The following DCDC1 variants were observed in gnomAD, a reference collection of about 807,000 sequenced individuals.
DCDC1 encodes the protein doublecortin domain containing 1.
DCDC1 carries 200 observed loss-of-function variants against 178.3 expected under a neutral mutation model. That is an observed-to-expected ratio of 1.12 (90% confidence interval 1.00 to 1.26). The LOEUF is 1.26. Ranked by LOEUF, DCDC1 falls within the 50% of genes most tolerant of loss-of-function variation. The pLI is 0.00. For synonymous variants in DCDC1, 690 were observed against 604.8 expected, an observed-to-expected ratio of 1.14 and a Z score of -2.07; for missense variants, 1,983 against 1,749.2, an observed-to-expected ratio of 1.13 and a Z score of -2.38.
rs1310887576 is a variant in DCDC1, at chr11:31,078,588, G to C, written c.2238-663C>G. 2.6e-5 allele frequency among the ~76,000 whole-genome samples: 4 copies of C among 152,194 alleles called. No individual in the cohort carries two copies. In the East Asian group the frequency reaches 7.7e-4, roughly 29 times the overall value. On this transcript the variant is annotated intron_variant, in intron 17 of 38. Transcript: ENST00000684477. The stretch of plus-strand genomic sequence containing the variant: ...AAACATCAAAGGTTGAGTATAAGAG[G>C]TGTCAGGTAATGCTCTATTCTATTC...
intron 25 of DCDC1, among the ~76,000 whole-genome samples, chr11:30,918,338 C>T (rs1226779277): frequency 6.6e-6 from 1 of 151,820 alleles, no homozygotes; most frequent in Non-Finnish European, 1.5e-5. Flanking sequence ...ACAAACCATT[C>T]GTTAGTTATT....
intron 2 of DCDC1, among the ~76,000 whole-genome samples, chr11:31,328,670 T>G (rs1338046173): frequency 6.6e-6 from 1 of 151,532 alleles, no homozygotes; most frequent in Admixed American, 6.6e-5. Context: ...TAGCCGGGTG[T>G]GGTGGTGGCA....
At chr11:30,871,543 C>T (rs936119027) in intron 38 of DCDC1, among the ~76,000 whole-genome samples, 2 of 152,110 alleles carry the variant, frequency 1.3e-5, no homozygotes, top group Admixed American at 6.6e-5. Flanking sequence ...TTACTGGCTT[C>T]CCACTGCACT....
At chr11:31,173,327 T>C (rs1164766172) in intron 9 of DCDC1, among the ~76,000 whole-genome samples, 2 of 152,188 alleles carry the variant, frequency 1.3e-5, no homozygotes, top group Non-Finnish European at 2.9e-5. Context: ...CAATTACGGA[T>C]ATTATTTACA....
At chr11:31,324,308 A>G (rs953113692) in intron 3 of DCDC1, among the ~76,000 whole-genome samples, 1 of 152,032 alleles carries the variant, frequency 6.6e-6, no homozygotes, top group Non-Finnish European at 1.5e-5. Flanking sequence ...ATTCCACCCA[A>G]AGGAAAAAAA....
chr11:31,213,161 CTGCTT>C (rs369984724), intron 9 of DCDC1, among the ~76,000 whole-genome samples: 7 of 117,726 alleles, frequency 5.9e-5, no homozygotes, highest in African/African-American at 2.0e-4. Flanking sequence ...CTCTCTCTCT[CTGCTT>C]TCTTTACCAG....
intron 20 of DCDC1, among the ~76,000 whole-genome samples, chr11:31,050,585 C>A (rs1955178043): frequency 6.6e-6 from 1 of 152,144 alleles, no homozygotes; most frequent in Admixed American, 6.5e-5. Context: ...AAGCTAAGAA[C>A]CCTCATGGAG....
At chr11:31,011,863 A>G (rs1952190341) in intron 20 of DCDC1, among the ~76,000 whole-genome samples, 1 of 152,206 alleles carries the variant, frequency 6.6e-6, no homozygotes, top group Non-Finnish European at 1.5e-5. Flanking sequence ...ATAGATTTAT[A>G]TTTGTTATCT....
intron 2 of DCDC1, among the ~76,000 whole-genome samples, chr11:31,329,554 C>T (rs571409394): frequency 6.6e-6 from 1 of 152,110 alleles, no homozygotes; most frequent in Non-Finnish European, 1.5e-5. Flanking sequence ...AGCCCTGCCC[C>T]CCACCCCACA....
In DCDC1 at chr11:30,925,330, T is replaced by G. The variant is rs1946525175; in HGVS notation, c.2976A>C (p.Lys992Asn). Residue 992 changes from lysine (K) to asparagine (N), a missense_variant, in exon 23 of 39, where the codon AAA (lysine) becomes AAC (asparagine). Coordinates refer to ENST00000684477, the MANE Select transcript of DCDC1 (RefSeq NM_001387274.1). ...NEKGKEIFAL[K>N]DLQRDELVYV... ...TTACCAGTTCATCTCTTTGCAGGTC[T>G]TTTAAGGCAAATATTTCCTTCCCCT... is the stretch of plus-strand genomic sequence containing the variant. 3.1e-6 allele frequency: 5 copies of G among 1,613,682 alleles called. No homozygotes were observed. Among genetic ancestry groups the G allele is most frequent in the Non-Finnish European group, 4.2e-6 (5 of 1,179,786 alleles).
rs1255839163 is a variant in DCDC1 at position 31,307,725 on chromosome 11, G to A, written c.348C>T (p.Ser116=). 6 of 1,613,934 alleles carry A rather than the reference G, an allele frequency of 3.7e-6. No individual in the cohort carries two copies. The highest frequency in any genetic ancestry group is 5.1e-6 in the Non-Finnish European group (6 of 1,179,970). ...HSHDEISDLD[S]YKSNSKNNSC... ...AATTGTTTTTACTGTTTGATTTGTA[G>A]CTATCTAGGTCTGATATTTCATCAT... Residue 116 remains serine (S), a synonymous_variant, in exon 4 of 39, where the codon AGC becomes AGT. Transcript: ENST00000684477.
At chr11:31,161,268 G>A (rs1966294243) in intron 9 of DCDC1, among the ~76,000 whole-genome samples, 1 of 152,246 alleles carries the variant, frequency 6.6e-6, no homozygotes, top group South Asian at 2.1e-4. Flanking sequence ...GAGTCAATGC[G>A]TAATTTCGAG....
At chr11:31,141,351 C>T (rs936724398) in intron 9 of DCDC1, among the ~76,000 whole-genome samples, 1 of 152,136 alleles carries the variant, frequency 6.6e-6, no homozygotes, top group Non-Finnish European at 1.5e-5. Flanking sequence ...CAGATAGGTA[C>T]TAGCCAAAGG....
chr11:31,049,023 T>C (rs552829767), intron 20 of DCDC1, among the ~76,000 whole-genome samples: 1 of 152,390 alleles, frequency 6.6e-6, no homozygotes, highest in East Asian at 1.9e-4. Context: ...TGATATTTGG[T>C]ATTTCTGTTT....
At chr11:30,906,801 T>C (rs995313064) in intron 29 of DCDC1, 76 bp from the exon 30 acceptor site, 7 of 1,311,346 alleles carry the variant, frequency 5.3e-6, no homozygotes, top group African/African-American at 4.4e-5. Context: ...CATTTTACAA[T>C]ATAAATATAG....
At chr11:30,888,108 AAGAAAGAAAG>A (rs1565029872) in intron 36 of DCDC1, among the ~76,000 whole-genome samples, 30 of 114,132 alleles carry the variant, frequency 2.6e-4, no homozygotes, top group South Asian at 5.5e-4. Context: ...AAAAGAAAGA[AAGAAAGAAAG>A]AAAGAAAGAA....
In DCDC1 at chr11:31,095,657, G is replaced by T. The variant is rs556977443; in HGVS notation, c.1984-1473C>A. Among the ~76,000 whole-genome samples, 6 of 152,210 alleles carry T rather than the reference G, an allele frequency of 3.9e-5. No individual in the cohort carries two copies. In the South Asian group the frequency reaches 1.2e-3, roughly 32 times the overall value. On this transcript the variant is annotated intron_variant, in intron 15 of 38. Transcript: ENST00000684477. ...GTGGGGATGGATAGGGGGTACTGAA[G>T]GGGGAGACATTGCACCCACATCTCC...
intron 9 of DCDC1, among the ~76,000 whole-genome samples, chr11:31,183,379 A>G (rs1173071636): frequency 6.6e-6 from 1 of 152,184 alleles, no homozygotes; most frequent in East Asian, 1.9e-4. Context: ...CAGAATGGAA[A>G]TCATAACAAA....
chr11:31,122,524 AT>A lies in DCDC1; in HGVS notation c.1485+4944del, dbSNP rs549917398. On this transcript the variant is annotated intron_variant, in intron 11 of 38. Transcript: ENST00000684477. ...TCTGCTGATACAAGGATCACATAAC[AT>A]ATAATTTGCAAATAATAATAAAATA... Among the ~76,000 whole-genome samples the A allele has an allele frequency of 1.2e-3, 181 of 152,240 alleles. 2 individuals carry two copies. The highest frequency in any genetic ancestry group is 2.1e-3 in the Non-Finnish European group (143 of 68,004).
Sources: gnomAD v4.1 joint callset for allele counts (sites outside exome capture counted in the v4.1 genomes callset) on GRCh38, gnomAD v4.1.1 for gene constraint, MANE v1.5 for transcripts, NCBI Gene and HGNC (gene_info 2026-07-23, HGNC 2026-07-21) for gene names.